WWOX: variants seen among roughly 807,000 people sequenced by gnomAD.
The protein encoded by WWOX is WW domain containing oxidoreductase, also known as WW domain-containing oxidoreductase.
Under a neutral mutation model 46.2 loss-of-function variants are expected in WWOX, and 69 were observed. That is an observed-to-expected ratio of 1.49 (90% CI 1.23 to 1.82). The LOEUF (loss-of-function observed/expected upper bound fraction) is 1.82, where lower values mean the gene tolerates loss of function less well. WWOX is among the 40% of genes most tolerant of loss of function. The pLI is 0.00. For synonymous variants in WWOX, 359 were observed against 202.6 expected, an observed-to-expected ratio of 1.77 and a Z score of -6.56; for missense variants, 919 against 542.6, an observed-to-expected ratio of 1.69 and a Z score of -6.89.
chr16:78,134,650 C>T lies in WWOX; in HGVS notation c.409+19496C>T, dbSNP rs2033726025. ...TTGTTAACTTGTTGAGAAAATAAAGCACTCCACTGTTGTTATGAGCTGCTT... is the reference window on the plus strand; with the variant it reads ...TTGTTAACTTGTTGAGAAAATAAAGTACTCCACTGTTGTTATGAGCTGCTT... On this transcript the variant is annotated intron_variant, in intron 4 of 8. Transcript: ENST00000566780. Among the ~76,000 whole-genome samples the T allele has an allele frequency of 2.0e-5, 3 of 152,150 alleles. No homozygotes were observed. The South Asian group carries it at 6.2e-4, about 32-fold the overall frequency.
At chr16:78,528,435 A>AC (rs1364368124) in intron 8 of WWOX, among the ~76,000 whole-genome samples, 1 of 151,908 alleles carries the variant, frequency 6.6e-6, no homozygotes, top group Non-Finnish European at 1.5e-5. Flanking sequence ...GCTCGTATTC[A>AC]AGGTGCTAAT....
chr16:78,882,804 A>G (rs1188710481), intron 8 of WWOX, among the ~76,000 whole-genome samples: 1 of 151,164 alleles, frequency 6.6e-6, no homozygotes, highest in Admixed American at 6.6e-5. Context: ...TCTTAAATAT[A>G]AAGTTTTTAC....
intron 8 of WWOX, among the ~76,000 whole-genome samples, chr16:78,722,932 C>A (rs922574756): frequency 1.3e-5 from 2 of 151,932 alleles, no homozygotes; most frequent in African/African-American, 4.8e-5. Flanking sequence ...GCCCCACCTA[C>A]TTGGGAGGCT....
intron 8 of WWOX, among the ~76,000 whole-genome samples, chr16:79,209,627 T>C (rs1234125836): frequency 6.6e-6 from 1 of 152,094 alleles, no homozygotes; most frequent in East Asian, 1.9e-4. Context: ...AAAATGAAAA[T>C]ATATGACAGA....
intron 8 of WWOX, among the ~76,000 whole-genome samples, chr16:78,517,700 C>A (rs905673068): frequency 6.6e-6 from 1 of 151,922 alleles, no homozygotes; most frequent in Non-Finnish European, 1.5e-5. Context: ...AAAGGGCATG[C>A]GTTGACTTCA....
chr16:78,785,622 T>G (rs993625094), intron 8 of WWOX, among the ~76,000 whole-genome samples: 1 of 152,242 alleles, frequency 6.6e-6, no homozygotes, highest in African/African-American at 2.4e-5. Flanking sequence ...TTTTACCAAA[T>G]GCTTCTGATT....
intron 6 of WWOX, among the ~76,000 whole-genome samples, chr16:78,401,362 T>C (rs1018664283): frequency 6.6e-6 from 1 of 152,196 alleles, no homozygotes; most frequent in Non-Finnish European, 1.5e-5. Context: ...AATTCAGATA[T>C]TGAGAATAAA....
chr16:78,707,030 C>G (rs1158605070), intron 8 of WWOX, among the ~76,000 whole-genome samples: 1 of 152,114 alleles, frequency 6.6e-6, no homozygotes, highest in Non-Finnish European at 1.5e-5. Context: ...TCCATGTAAA[C>G]CATGGAATAT....
chr16:78,806,521 G>C (rs2051041823), intron 8 of WWOX, among the ~76,000 whole-genome samples: 1 of 152,150 alleles, frequency 6.6e-6, no homozygotes, highest in African/African-American at 2.4e-5. Flanking sequence ...TCATGAGTCT[G>C]AGGATTGATG....
At chr16:78,204,793 C>T (rs2036341183) in intron 5 of WWOX, among the ~76,000 whole-genome samples, 2 of 152,266 alleles carry the variant, frequency 1.3e-5, no homozygotes, top group East Asian at 1.9e-4. Context: ...AAAGATGAGC[C>T]TCATATTGCA....
At chr16:78,152,148 C>T (rs1342863331) in intron 4 of WWOX, among the ~76,000 whole-genome samples, 1 of 151,842 alleles carries the variant, frequency 6.6e-6, no homozygotes, top group Admixed American at 6.6e-5. Context: ...CGAGATCGCG[C>T]CACTGCACTC....
intron 8 of WWOX, among the ~76,000 whole-genome samples, chr16:78,957,032 T>G (rs1244469039): frequency 6.6e-6 from 1 of 152,228 alleles, no homozygotes; most frequent in Non-Finnish European, 1.5e-5. Flanking sequence ...ACATGCTTTA[T>G]TTAATAGACT....
chr16:78,443,677 C>T (rs1339340807), intron 8 of WWOX, among the ~76,000 whole-genome samples: 1 of 152,144 alleles, frequency 6.6e-6, no homozygotes, highest in African/African-American at 2.4e-5. Flanking sequence ...AACATTTAAC[C>T]AAGATTTGCA....
intron 5 of WWOX, among the ~76,000 whole-genome samples, chr16:78,231,556 AT>A (rs2037262514): frequency 6.6e-6 from 1 of 152,190 alleles, no homozygotes; most frequent in Non-Finnish European, 1.5e-5. Context: ...CCTCTGCAGA[AT>A]CCAAATGCTT....
chr16:78,863,007 G>T (rs1422293969), intron 8 of WWOX, among the ~76,000 whole-genome samples: 3 of 146,842 alleles, frequency 2.0e-5, no homozygotes, highest in Non-Finnish European at 4.5e-5. Context: ...TTGCCAGGGT[G>T]GAGTGCAGTG....
intron 8 of WWOX, among the ~76,000 whole-genome samples, chr16:78,653,770 T>C (rs543350806): frequency 2.2e-4 from 34 of 152,350 alleles, no homozygotes; most frequent in African/African-American, 7.7e-4. Flanking sequence ...AATAAGCTGT[T>C]AGTTTGGTGC....
intron 8 of WWOX, among the ~76,000 whole-genome samples, chr16:79,085,043 A>C (rs148485199): frequency 0.02 from 3,036 of 148,446 alleles, 122 homozygotes; most frequent in African/African-American, 0.07. Context: ...CTCCCGCCTC[A>C]GCCTCCCAAA....
intron 8 of WWOX, among the ~76,000 whole-genome samples, chr16:78,472,999 G>C (rs80067484): frequency 6.6e-6 from 1 of 152,108 alleles, no homozygotes; most frequent in Admixed American, 6.5e-5. Flanking sequence ...CCGCCTGCAG[G>C]AGAACATTTT....
At chr16:78,582,181 G>A (rs2045073638) in intron 8 of WWOX, among the ~76,000 whole-genome samples, 1 of 152,124 alleles carries the variant, frequency 6.6e-6, no homozygotes, top group African/African-American at 2.4e-5. Context: ...ATTATTGATT[G>A]GATTTACGGC....
Sources: allele counts gnomAD v4.1 joint callset (sites outside exome capture counted in the v4.1 genomes callset), GRCh38; gene constraint gnomAD v4.1.1; transcripts MANE v1.5; gene names NCBI Gene and HGNC (gene_info 2026-07-23, HGNC 2026-07-21).